NPAS3: variants seen among roughly 807,000 people sequenced by gnomAD.
NPAS3 encodes the protein neuronal PAS domain protein 3.
A neutral mutation model predicts 73.1 loss-of-function variants in NPAS3; 14 were observed. The observed-to-expected ratio is 0.19, with a 90% CI of 0.13 to 0.30. The LOEUF (loss-of-function observed/expected upper bound fraction) is 0.30, where lower values mean the gene tolerates loss of function less well. NPAS3 is among the 10% of genes least tolerant of loss of function. The pLI, the probability that NPAS3 is intolerant of heterozygous loss-of-function variation, is 1.00. For synonymous variants in NPAS3, 620 were observed against 541.5 expected, an observed-to-expected ratio of 1.14 and a Z score of -2.01; for missense variants, 1,096 against 1,250.0, an observed-to-expected ratio of 0.88 and a Z score of 1.86.
At chr14:33,762,127 T>C (rs565686251) in intron 7 of NPAS3, among the ~76,000 whole-genome samples, 2 of 152,350 alleles carry the variant, frequency 1.3e-5, no homozygotes, top group South Asian at 4.1e-4. Context: ...TTCTCCCGAA[T>C]TGATAATTCT....
intron 1 of NPAS3, among the ~76,000 whole-genome samples, chr14:32,994,042 A>G (rs2038449979): frequency 6.6e-6 from 1 of 152,218 alleles, no homozygotes; most frequent in African/African-American, 2.4e-5. Flanking sequence ...AAAGGGAACC[A>G]ATAAATATGC....
chr14:33,287,857 A>C (rs564969055), intron 3 of NPAS3, among the ~76,000 whole-genome samples: 2 of 152,308 alleles, frequency 1.3e-5, no homozygotes, highest in African/African-American at 4.8e-5. Context: ...AATTCAGTGC[A>C]TGTACATTCC....
intron 5 of NPAS3, among the ~76,000 whole-genome samples, chr14:33,665,910 C>A (rs953626119): frequency 6.6e-6 from 1 of 151,822 alleles, no homozygotes; most frequent in Non-Finnish European, 1.5e-5. Context: ...GTAGCATATA[C>A]AGGAACAAAT....
chr14:33,188,717 T>C (rs1425463784), intron 2 of NPAS3, among the ~76,000 whole-genome samples: 1 of 152,188 alleles, frequency 6.6e-6, no homozygotes, highest in Non-Finnish European at 1.5e-5. Context: ...TGCAACTTTT[T>C]TAATACCGTA....
At chr14:33,670,021 T>G (rs1395640099) in intron 5 of NPAS3, among the ~76,000 whole-genome samples, 1 of 152,168 alleles carries the variant, frequency 6.6e-6, no homozygotes, top group African/African-American at 2.4e-5. Context: ...GCTCCAGCGA[T>G]TCTCCTGCCT....
intron 2 of NPAS3, among the ~76,000 whole-genome samples, chr14:33,153,489 G>C (rs970212711): frequency 3.3e-5 from 5 of 151,420 alleles, no homozygotes; most frequent in Non-Finnish European, 7.4e-5. Flanking sequence ...GGAGCCCTGT[G>C]GGGGAAAGAG....
At chr14:33,440,888 C>A (rs1398892595) in intron 4 of NPAS3, among the ~76,000 whole-genome samples, 2 of 149,468 alleles carry the variant, frequency 1.3e-5, no homozygotes, top group Non-Finnish European at 3.0e-5. Context: ...AGTTAAACTC[C>A]ATCTCAAAAA....
chr14:33,689,546 G>A (rs1181337304), intron 6 of NPAS3, among the ~76,000 whole-genome samples: 1 of 152,108 alleles, frequency 6.6e-6, no homozygotes, highest in Non-Finnish European at 1.5e-5. Context: ...CTCACTTAAA[G>A]GGTCCAAATG....
At chr14:33,624,079 T>C (rs2058156304) in intron 5 of NPAS3, among the ~76,000 whole-genome samples, 1 of 152,336 alleles carries the variant, frequency 6.6e-6, no homozygotes, top group African/African-American at 2.4e-5. Context: ...CCAAGCTCCC[T>C]GACACCCCTA....
intron 5 of NPAS3, among the ~76,000 whole-genome samples, chr14:33,571,275 A>G (rs1177056970): frequency 3.9e-5 from 6 of 152,142 alleles, no homozygotes; most frequent in African/African-American, 1.4e-4. Flanking sequence ...TAAGTGTGAA[A>G]CGAAAGGGCA....
chr14:33,011,765 G>A (rs1020601876), intron 1 of NPAS3, among the ~76,000 whole-genome samples: 2 of 151,820 alleles, frequency 1.3e-5, no homozygotes, highest in African/African-American at 2.4e-5. Flanking sequence ...TCCCTTCCTT[G>A]TTTTTGCTTT....
chr14:33,526,972 T>C (rs2053829877), intron 4 of NPAS3, among the ~76,000 whole-genome samples: 1 of 152,166 alleles, frequency 6.6e-6, no homozygotes, highest in Non-Finnish European at 1.5e-5. Context: ...ACCTACTATG[T>C]AAAGACTCTG....
chr14:33,088,670 G>A (rs1337970021), intron 2 of NPAS3, among the ~76,000 whole-genome samples: 1 of 151,988 alleles, frequency 6.6e-6, no homozygotes, highest in South Asian at 2.1e-4. Context: ...CAGCTTTGAA[G>A]AGAGTAGTGG....
At chr14:33,437,327 T>C (rs2049031469) in intron 4 of NPAS3, among the ~76,000 whole-genome samples, 1 of 152,174 alleles carries the variant, frequency 6.6e-6, no homozygotes, top group African/African-American at 2.4e-5. Flanking sequence ...ATAGAACCAA[T>C]TTTTCCAAGC....
rs2055780657 is a variant in NPAS3, at chr14:33,563,705, C to A, written c.558+3495C>A. Among the ~76,000 whole-genome samples, 4 of 152,180 alleles carry A rather than the reference C, an allele frequency of 2.6e-5. No homozygotes were observed. The South Asian group carries it at 8.3e-4, about 32-fold the overall frequency. On this transcript the variant is annotated intron_variant, in intron 5 of 11. Transcript: ENST00000356141. ...GCCTTATCTTAAAGGAAGATTCCCACATACTGATGCTGAGTTTGGCTTGCA... is the reference window on the plus strand; with the variant it reads ...GCCTTATCTTAAAGGAAGATTCCCAAATACTGATGCTGAGTTTGGCTTGCA...
At chr14:33,329,074 T>A (rs1344366676) in intron 3 of NPAS3, among the ~76,000 whole-genome samples, 1 of 152,224 alleles carries the variant, frequency 6.6e-6, no homozygotes, top group Non-Finnish European at 1.5e-5. Context: ...CAGGTAAATG[T>A]TACCATCAAA....
intron 5 of NPAS3, chr14:33,578,295 G>A (rs1387363466): frequency 2.2e-6 from 1 of 451,454 alleles, no homozygotes; most frequent in Non-Finnish European, 4.4e-6. Flanking sequence ...CTGGGTTCAA[G>A]TGATTCTCCT....
chr14:33,739,296 G>T (rs2061599102), intron 7 of NPAS3, among the ~76,000 whole-genome samples: 1 of 152,074 alleles, frequency 6.6e-6, no homozygotes, highest in Non-Finnish European at 1.5e-5. Context: ...GGATGATTTG[G>T]GCATGGATTT....
chr14:33,419,383 A>T (rs2048283402), intron 4 of NPAS3, among the ~76,000 whole-genome samples: 1 of 151,908 alleles, frequency 6.6e-6, no homozygotes, highest in Non-Finnish European at 1.5e-5. Flanking sequence ...TTTTATATAG[A>T]GGCATGCTTT....
Sources: allele counts gnomAD v4.1 joint callset (sites outside exome capture counted in the v4.1 genomes callset), GRCh38; gene constraint gnomAD v4.1.1; transcripts MANE v1.5; gene names NCBI Gene and HGNC (gene_info 2026-07-23, HGNC 2026-07-21).